ARL15: variants seen among roughly 807,000 people sequenced by gnomAD.
ARL15 encodes the protein ARF like GTPase 15.
ARL15 carries 19 observed loss-of-function variants against 25.2 expected under a neutral mutation model. That is an observed-to-expected ratio of 0.75 (90% CI 0.53 to 1.10). The LOEUF (loss-of-function observed/expected upper bound fraction) is 1.10. ARL15 is among the 50% of genes least tolerant of loss of function. The probability of loss-of-function intolerance (pLI) is 0.00; values close to 1 mark genes in which losing one functional copy is unlikely to be tolerated. For missense variants in ARL15, 220 were observed against 246.0 expected, an observed-to-expected ratio of 0.89 and a Z score of 0.71; for synonymous variants, 94 against 86.8, an observed-to-expected ratio of 1.08 and a Z score of -0.46.
At chr5:54,193,756 C>T (rs1247215300) in intron 1 of ARL15, among the ~76,000 whole-genome samples, 4 of 147,176 alleles carry the variant, frequency 2.7e-5, no homozygotes, top group Admixed American at 6.9e-5. Context: ...ACTGTAACTA[C>T]TTCGACTTAT....
rs75153419 is a variant in ARL15, at chr5:53,922,547, C to T, written c.463-35834G>A. Among the ~76,000 whole-genome samples the T allele has an allele frequency of 3.0e-3, 463 of 152,214 alleles. 3 individuals are homozygous for T. Among genetic ancestry groups the T allele is most frequent in the African/African-American group, 0.01 (432 of 41,518 alleles). On this transcript the variant is annotated intron_variant, in intron 4 of 4. Transcript: ENST00000504924. ...ATGGACACTAACCAACCAGAATGAACGTTGGTGGCAGTGCTGTAGTGCAGT... is the reference window on the plus strand; with the variant it reads ...ATGGACACTAACCAACCAGAATGAATGTTGGTGGCAGTGCTGTAGTGCAGT...
At chr5:53,977,733 C>CA (rs1379275443) in intron 4 of ARL15, among the ~76,000 whole-genome samples, 12 of 152,098 alleles carry the variant, frequency 7.9e-5, no homozygotes, top group Non-Finnish European at 4.4e-5. Context: ...AAAGTCTTAT[C>CA]AAGTCTCTGG....
chr5:54,043,226 T>C (rs989797060), intron 4 of ARL15, among the ~76,000 whole-genome samples: 1 of 152,082 alleles, frequency 6.6e-6, no homozygotes, highest in East Asian at 1.9e-4. Flanking sequence ...TAGTACTTTA[T>C]ACATTAAAAA....
chr5:54,016,759 C>T (rs2111815988), intron 4 of ARL15, among the ~76,000 whole-genome samples: 1 of 152,316 alleles, frequency 6.6e-6, no homozygotes, highest in African/African-American at 2.4e-5. Context: ...CCTCCTCATG[C>T]TACATTTTAC....
intron 1 of ARL15, among the ~76,000 whole-genome samples, chr5:54,181,490 G>A (rs1160501930): frequency 1.3e-5 from 2 of 152,166 alleles, no homozygotes; most frequent in African/African-American, 4.8e-5. Context: ...GCATTTTACA[G>A]CAAATCTCTT....
chr5:54,000,460 C>T (rs563410965), intron 4 of ARL15, among the ~76,000 whole-genome samples: 34 of 152,276 alleles, frequency 2.2e-4, no homozygotes, highest in African/African-American at 7.5e-4. Flanking sequence ...AGCTACCCTT[C>T]AGAAGGGTTG....
chr5:54,230,167 T>A (rs927283319), intron 1 of ARL15, among the ~76,000 whole-genome samples: 3 of 151,646 alleles, frequency 2.0e-5, no homozygotes, highest in African/African-American at 7.3e-5. Context: ...CTGGCCAATA[T>A]GAAATCCCGT....
chr5:54,236,890 CAT>C (rs567483475), intron 1 of ARL15, among the ~76,000 whole-genome samples: 144 of 152,340 alleles, frequency 9.5e-4, no homozygotes, highest in African/African-American at 3.3e-3. Context: ...TAGCTGGACA[CAT>C]AGCCACTCAA....
At chr5:54,252,897 T>G (rs1206556387) in intron 1 of ARL15, among the ~76,000 whole-genome samples, 1 of 152,072 alleles carries the variant, frequency 6.6e-6, no homozygotes, top group Non-Finnish European at 1.5e-5. Context: ...GGAATGTTTT[T>G]TATTTTTTGT....
In ARL15 at chr5:54,048,777, A is replaced by G. The variant is rs554398737; in HGVS notation, c.462+64425T>C. 1.1e-4 allele frequency among the ~76,000 whole-genome samples: 16 copies of G among 148,118 alleles called. No homozygotes were observed. In the South Asian group the frequency reaches 3.5e-3, roughly 32 times the overall value. ...CCAAAGGAACCATTTGCCTATTACC[A>G]GGTTGACTATGCTATAGGAAAAAAA... On this transcript the variant is annotated intron_variant, in intron 4 of 4. Transcript: ENST00000504924.
intron 1 of ARL15, among the ~76,000 whole-genome samples, chr5:54,283,324 G>A (rs918685612): frequency 2.6e-5 from 4 of 152,172 alleles, no homozygotes; most frequent in Non-Finnish European, 5.9e-5. Flanking sequence ...ATAAAAGATT[G>A]GAAAGCCAAA....
At chr5:54,201,891 C>T (rs868458835) in intron 1 of ARL15, among the ~76,000 whole-genome samples, 4 of 152,036 alleles carry the variant, frequency 2.6e-5, no homozygotes, top group Middle Eastern at 3.2e-3. Context: ...AACCTCAAGT[C>T]AGAAATTTAA....
chr5:54,282,946 C>T (rs569375618), intron 1 of ARL15, among the ~76,000 whole-genome samples: 1 of 152,344 alleles, frequency 6.6e-6, no homozygotes, highest in East Asian at 1.9e-4. Flanking sequence ...GCATACCAAA[C>T]ATGACTACTG....
intron 1 of ARL15, among the ~76,000 whole-genome samples, chr5:54,265,035 G>C (rs927060174): frequency 5.3e-5 from 8 of 152,126 alleles, no homozygotes; most frequent in Non-Finnish European, 8.8e-5. Context: ...GTTCAACACT[G>C]ACTGAATGAA....
At chr5:53,965,739 C>G (rs1054851973) in intron 4 of ARL15, among the ~76,000 whole-genome samples, 2 of 151,712 alleles carry the variant, frequency 1.3e-5, no homozygotes, top group Non-Finnish European at 2.9e-5. Context: ...CTTTCTTCTT[C>G]CAAAGTTCCT....
intron 1 of ARL15, among the ~76,000 whole-genome samples, chr5:54,234,845 A>T (rs1186283432): frequency 6.6e-6 from 1 of 152,248 alleles, no homozygotes; most frequent in East Asian, 1.9e-4. Flanking sequence ...ATAAAATAAT[A>T]ATATATGAGC....
At chr5:54,000,157 T>G (rs1044464318) in intron 4 of ARL15, among the ~76,000 whole-genome samples, 4 of 152,144 alleles carry the variant, frequency 2.6e-5, no homozygotes, top group African/African-American at 9.7e-5. Context: ...TTCCTCTAGT[T>G]TTTTTAAGTT....
intron 4 of ARL15, among the ~76,000 whole-genome samples, chr5:53,909,185 T>C (rs891493207): frequency 5.9e-5 from 9 of 152,144 alleles, no homozygotes; most frequent in Non-Finnish European, 1.0e-4. Context: ...AAATCACTAA[T>C]ATTATATATT....
At chr5:54,200,826 C>T (rs1189715716) in intron 1 of ARL15, among the ~76,000 whole-genome samples, 6 of 152,252 alleles carry the variant, frequency 3.9e-5, no homozygotes, top group East Asian at 3.9e-4. Context: ...CACAGATAGG[C>T]GAAAACAACA....
Sources: allele counts gnomAD v4.1 joint callset (sites outside exome capture counted in the v4.1 genomes callset), GRCh38; gene constraint gnomAD v4.1.1; transcripts MANE v1.5; gene names NCBI Gene and HGNC (gene_info 2026-07-23, HGNC 2026-07-21).